Variants in CAPN2 observed in about 807,000 individuals in gnomAD.
CAPN2 encodes calpain-2 catalytic subunit.
CAPN2 carries 92 observed loss-of-function variants against 102.3 expected under a neutral mutation model. The observed-to-expected ratio is 0.90, with a 90% CI of 0.76 to 1.07. The LOEUF is 1.07. Among genes scored for constraint, CAPN2 ranks in the 50% least tolerant of loss-of-function variants. The pLI is 0.00. For missense variants in CAPN2, 800 were observed against 909.4 expected (o/e 0.88, Z 1.55); for synonymous variants, 340 against 355.4 (o/e 0.96, Z 0.49).
Position 223,774,899 on chromosome 1 carries a change from T to C in CAPN2, c.*42T>C. 1 of 1,574,280 alleles carries C rather than the reference T, an allele frequency of 6.4e-7. No individual in the cohort carries two copies. Among genetic ancestry groups the C allele is most frequent in the Non-Finnish European group, 8.7e-7 (1 of 1,145,240 alleles). Reference sequence around the variant, plus strand: ...CCTGAAGACTTCTCATGATGGAAAATCAGCCAAGGACTAAGCTTCCATAGA... The same window carrying C: ...CCTGAAGACTTCTCATGATGGAAAACCAGCCAAGGACTAAGCTTCCATAGA... On this transcript the variant is annotated 3_prime_UTR_variant, in exon 21 of 21. Coordinates refer to ENST00000295006, the MANE Select transcript of CAPN2 (RefSeq NM_001748.5).
At chr1:223,711,728 A>C (rs892434368), upstream of CAPN2, among the ~76,000 whole-genome samples, 5 of 152,176 alleles carry the variant, frequency 3.3e-5, no homozygotes, top group African/African-American at 1.2e-4. Context: ...CTCCTGTCTC[A>C]GCCTCCCGAG....
chr1:223,729,050 G>C (rs1660266069), intron 2 of CAPN2, among the ~76,000 whole-genome samples: 1 of 152,152 alleles, frequency 6.6e-6, no homozygotes, highest in Non-Finnish European at 1.5e-5. Context: ...TCATCACCAA[G>C]CCGCCATTTT....
chr1:223,757,459 C>T (rs963380431), intron 11 of CAPN2, 79 bp downstream of exon 11: 13 of 1,519,210 alleles, frequency 8.6e-6, no homozygotes, highest in South Asian at 1.1e-5. Context: ...CAGGGAGCGT[C>T]GTGAAGCCCG....
At chr1:223,724,723 A>G (rs975707621) in intron 2 of CAPN2, among the ~76,000 whole-genome samples, 1 of 151,900 alleles carries the variant, frequency 6.6e-6, no homozygotes, top group Non-Finnish European at 1.5e-5. Flanking sequence ...TAATCCCAAC[A>G]CTTTGGGAGG....
intron 2 of CAPN2, among the ~76,000 whole-genome samples, chr1:223,741,444 ATATATATATATATATATATATATAT>A (rs1660612325): frequency 1.0e-5 from 1 of 96,436 alleles, no homozygotes; most frequent in African/African-American, 7.0e-5. Flanking sequence ...TAATGTGTAT[ATATATATATATATATATATATATAT>A]TTGAGAGGGA....
At position 223,759,243 on chromosome 1, in the gene CAPN2, C is replaced by T. The variant is rs114318533; in HGVS notation, c.1318-27C>T. The T allele has an allele frequency of 7.3e-3, 11,619 of 1,594,702 alleles. 61 individuals are homozygous for T. The highest frequency in any genetic ancestry group is 0.03 in the Middle Eastern group (182 of 6,030). On this transcript the variant is annotated intron_variant, in intron 11 of 20. Transcript: ENST00000295006. The surrounding 1 kb of genome is among the most constrained non-coding windows in gnomAD (Gnocchi z 4.6). ...TGCCTGGAGGCTTCCCCTCATCTAC[C>T]CCCATGTTTCTCTATTTATTCCTCA...
intron 5 of CAPN2, 54 bp from the exon 6 acceptor site, chr1:223,748,985 T>G: frequency 1.3e-6 from 2 of 1,509,370 alleles, no homozygotes; most frequent in Non-Finnish European, 1.8e-6. Flanking sequence ...AGCGAGGGAG[T>G]CCGGGAGGAA....
At chr1:223,716,525 G>A (rs1011809899) in intron 1 of CAPN2, among the ~76,000 whole-genome samples, 2 of 152,068 alleles carry the variant, frequency 1.3e-5, no homozygotes, top group African/African-American at 4.8e-5. Flanking sequence ...GTCCTCTGCG[G>A]CAGATGGTGC....
chr1:223,751,238 C>T (rs923112873), intron 7 of CAPN2, among the ~76,000 whole-genome samples: 1 of 152,160 alleles, frequency 6.6e-6, no homozygotes, highest in Non-Finnish European at 1.5e-5. Context: ...CAGGTTCACC[C>T]CTTCCCTAGC....
At chr1:223,732,461 C>G (rs1286619555) in intron 2 of CAPN2, among the ~76,000 whole-genome samples, 3 of 152,124 alleles carry the variant, frequency 2.0e-5, no homozygotes, top group Non-Finnish European at 4.4e-5. Context: ...GGGTAACTTC[C>G]TGATGTTGCC....
intron 2 of CAPN2, among the ~76,000 whole-genome samples, chr1:223,737,116 C>T (rs1660474169): frequency 6.6e-6 from 1 of 152,152 alleles, no homozygotes; most frequent in Admixed American, 6.5e-5. Context: ...CAGGAGGCCC[C>T]TAAAATCCCA....
chr1:223,711,840 C>T (rs1298475753), upstream of CAPN2, among the ~76,000 whole-genome samples: 2 of 152,212 alleles, frequency 1.3e-5, no homozygotes, highest in African/African-American at 4.8e-5. Flanking sequence ...AGGTGATCCG[C>T]CTGCCTCCGG....
Position 223,759,553 on chromosome 1 carries a change from G to A in CAPN2, c.1529+72G>A. 7.6e-7 allele frequency: 1 copy of A among 1,308,254 alleles called. No individual in the cohort carries two copies. The highest frequency in any genetic ancestry group is 1.2e-5 in the South Asian group (1 of 80,516). 81.0% of individuals were successfully genotyped at this position (1,308,254 alleles called of 1,614,324 possible). On this transcript the variant is annotated intron_variant, in intron 12 of 20. Transcript: ENST00000295006. This position sits in a 1 kb window ranked among gnomAD's most constrained non-coding sequence, Gnocchi z 4.6. ...CCACTGGTCTGTTCCTCGGCCCCTA[G>A]AGGGCTCTTTCATCCTCTGAATGTC...
intron 2 of CAPN2, among the ~76,000 whole-genome samples, chr1:223,718,578 C>T (rs1425165085): frequency 2.0e-5 from 3 of 152,154 alleles, no homozygotes; most frequent in Non-Finnish European, 2.9e-5. Flanking sequence ...TAGAATCTGC[C>T]CTCAATGTTC....
chr1:223,768,679 T>C (rs891275903), intron 16 of CAPN2, among the ~76,000 whole-genome samples: 2 of 151,346 alleles, frequency 1.3e-5, no homozygotes, highest in Non-Finnish European at 2.9e-5. Context: ...GGCTCTTTTT[T>C]GGTTCCATAT....
intron 2 of CAPN2, among the ~76,000 whole-genome samples, chr1:223,742,813 G>T (rs574757021): frequency 5.8e-4 from 89 of 152,284 alleles, no homozygotes; most frequent in African/African-American, 2.1e-3. Context: ...GAGCCGCTGC[G>T]CCTAGTCTTC....
chr1:223,737,702 C>A (rs540879950), intron 2 of CAPN2, among the ~76,000 whole-genome samples: 1 of 7,618 alleles, frequency 1.3e-4, no homozygotes, highest in African/African-American at 3.1e-4. Context: ...CCAAAAGAGA[C>A]GGGGCGGGGG....
At chr1:223,733,896 T>C (rs1362488977) in intron 2 of CAPN2, among the ~76,000 whole-genome samples, 1 of 152,182 alleles carries the variant, frequency 6.6e-6, no homozygotes, top group Non-Finnish European at 1.5e-5. Context: ...TCATCTGCCA[T>C]AGGCACAAAC....
At chr1:223,715,670 C>T (rs1012803111) in intron 1 of CAPN2, among the ~76,000 whole-genome samples, 13 of 152,072 alleles carry the variant, frequency 8.5e-5, no homozygotes, top group Non-Finnish European at 1.9e-4. Flanking sequence ...AGGTGTGATC[C>T]GGGTGGCACA....
Sources: gnomAD v4.1 joint callset for allele counts (sites outside exome capture counted in the v4.1 genomes callset) on GRCh38, gnomAD v4.1.1 for gene constraint, Gnocchi (gnomAD v3.1) non-coding constraint, MANE v1.5 for transcripts, NCBI Gene and HGNC (gene_info 2026-07-23, HGNC 2026-07-21) for gene names.